FIGN: variants seen among roughly 807,000 people sequenced by gnomAD.
FIGN encodes fidgetin, microtubule severing factor.
In FIGN, 11 loss-of-function variants were observed where a neutral mutation model predicts 51.3. The ratio of observed to expected loss-of-function variants is 0.21; its 90% CI spans 0.13 to 0.35. The LOEUF is 0.35. Among genes scored for constraint, FIGN ranks in the 10% least tolerant of loss-of-function variants. The pLI is 1.00. For missense variants in FIGN, 857 were observed against 943.6 expected, an observed-to-expected ratio of 0.91 and a Z score of 1.20; for synonymous variants, 407 against 363.2, an observed-to-expected ratio of 1.12 and a Z score of -1.37.
chr2:163,610,819 T>C lies in FIGN; in HGVS notation c.1013A>G (p.Tyr338Cys), dbSNP rs1691232229. The C allele has an allele frequency of 6.7e-7, 1 of 1,501,524 alleles. No homozygotes were observed. The highest frequency in any genetic ancestry group is 1.8e-5 in the African/African-American group (1 of 55,240). The allele number at this position is 1,501,524 out of a possible 1,614,324, so 93.0% of individuals were successfully genotyped here. ...DMDSSYGNYS[Y>C]GQQRSTQSPM... is the part of the protein sequence containing the mutation. ...ACTCTGTGTAGATCTCTGTTGGCCA[T>C]AGCTGTAATTTCCATAACTGGAGTC... The change falls in exon 3 of 3, where the codon TAT (tyrosine) becomes TGT (cysteine). Residue 338 changes from tyrosine to cysteine, a missense_variant. Tyr to Cys is a radical substitution (Grantham distance 194). This residue lies in a region of FIGN where 799 missense variants were observed against 849.5 expected (regional missense o/e 0.94). Coordinates refer to ENST00000333129, the MANE Select transcript of FIGN (RefSeq NM_018086.4).
At chr2:163,672,179 C>T (rs1683887091) in intron 2 of FIGN, among the ~76,000 whole-genome samples, 1 of 151,636 alleles carries the variant, frequency 6.6e-6, no homozygotes, top group Non-Finnish European at 1.5e-5. Flanking sequence ...CATTTTTTCC[C>T]CTCATTCTTC....
At chr2:163,621,523 C>T (rs1049658873) in intron 2 of FIGN, among the ~76,000 whole-genome samples, 5 of 152,088 alleles carry the variant, frequency 3.3e-5, no homozygotes, top group African/African-American at 4.8e-5. Context: ...CCAAATAAGA[C>T]GTTGTAAGAA....
Position 163,693,075 on chromosome 2 carries a change from G to A in FIGN, c.25+41828C>T, listed in dbSNP as rs553661199. On this transcript the variant is annotated intron_variant, in intron 2 of 2. Coordinates refer to ENST00000333129, the MANE Select transcript of FIGN (RefSeq NM_018086.4). Reference sequence around the variant, plus strand: ...AACTGAAGGCAACTCCAGGCAGCAGGGCAGAGTGAACCAGAGCTATGTGAA... The same window carrying A: ...AACTGAAGGCAACTCCAGGCAGCAGAGCAGAGTGAACCAGAGCTATGTGAA... Among the ~76,000 whole-genome samples, 3 of 152,280 alleles carry A rather than the reference G, an allele frequency of 2.0e-5. No homozygotes were observed. In the South Asian group the frequency reaches 6.2e-4, roughly 32 times the overall value.
At position 163,717,874 on chromosome 2, in the gene FIGN, C is replaced by A. The variant is rs1243742636; in HGVS notation, c.25+17029G>T. On this transcript the variant is annotated intron_variant, in intron 2 of 2. Coordinates refer to ENST00000333129, the MANE Select transcript of FIGN (RefSeq NM_018086.4). ...ACGTTTCAACCATATCAAGCTGTAACCTTTCTTGAAATGTAAATGAATGGT... is the reference window on the plus strand; with the variant it reads ...ACGTTTCAACCATATCAAGCTGTAAACTTTCTTGAAATGTAAATGAATGGT... Among the ~76,000 whole-genome samples, 101 of 152,112 alleles carry A rather than the reference C, an allele frequency of 6.6e-4. 1 individual carries two copies. Among genetic ancestry groups the A allele is most frequent in the Non-Finnish European group, 2.9e-4 (20 of 68,034 alleles).
At chr2:163,714,308 C>A (rs1293334843) in intron 2 of FIGN, among the ~76,000 whole-genome samples, 2 of 152,148 alleles carry the variant, frequency 1.3e-5, no homozygotes, top group Admixed American at 6.5e-5. Flanking sequence ...CCAGACTGCA[C>A]AGAACTATTA....
At chr2:163,690,120 A>G (rs1270611487) in intron 2 of FIGN, among the ~76,000 whole-genome samples, 1 of 152,170 alleles carries the variant, frequency 6.6e-6, no homozygotes, top group East Asian at 1.9e-4. Context: ...AAGAACAGTT[A>G]CCAATGATTC....
At chr2:163,691,024 C>T (rs1383879831) in intron 2 of FIGN, among the ~76,000 whole-genome samples, 1 of 152,010 alleles carries the variant, frequency 6.6e-6, no homozygotes, top group Non-Finnish European at 1.5e-5. Context: ...AATTATCAAC[C>T]CAAATAGTCT....
Position 163,606,514 on chromosome 2 carries a change from TAGC to T in FIGN, c.*3035_*3037del, listed in dbSNP as rs1691115092. On this transcript the variant is annotated 3_prime_UTR_variant, in exon 3 of 3. Coordinates refer to ENST00000333129, the MANE Select transcript of FIGN (RefSeq NM_018086.4). The stretch of plus-strand genomic sequence containing the variant: ...TCATTAATAGCCTTCTCCAAATTCT[TAGC>T]AGTCAAAAAGAGGCCAAGGGTATGA... 6.6e-6 allele frequency: 1 copy of T among 152,228 alleles called. No homozygotes were observed. The highest frequency in any genetic ancestry group is 1.5e-5 in the Non-Finnish European group (1 of 68,058). The allele number at this position is 152,228 out of a possible 1,614,324, so 9.4% of individuals were successfully genotyped here.
At chr2:163,651,396 C>T (rs1349428152) in intron 2 of FIGN, among the ~76,000 whole-genome samples, 2 of 152,092 alleles carry the variant, frequency 1.3e-5, no homozygotes, top group African/African-American at 4.8e-5. Context: ...TGGGAGGTTG[C>T]AGTGAGCCGA....
intron 2 of FIGN, among the ~76,000 whole-genome samples, chr2:163,734,398 A>C (rs1252402964): frequency 6.6e-6 from 1 of 151,884 alleles, no homozygotes; most frequent in African/African-American, 2.4e-5. Flanking sequence ...AAGTGCAAAC[A>C]TCAAGAGCAG....
intron 2 of FIGN, among the ~76,000 whole-genome samples, chr2:163,718,836 AGAGT>A (rs751939994): frequency 1.3e-4 from 17 of 129,538 alleles, no homozygotes; most frequent in African/African-American, 4.9e-4. Flanking sequence ...TAAGACAGAG[AGAGT>A]GAGAGAGAGA....
chr2:163,675,463 G>A (rs905417406), intron 2 of FIGN, among the ~76,000 whole-genome samples: 7 of 152,176 alleles, frequency 4.6e-5, no homozygotes, highest in African/African-American at 1.7e-4. Flanking sequence ...TGTTAGAAAT[G>A]CAAATTCAGA....
intron 2 of FIGN, among the ~76,000 whole-genome samples, chr2:163,697,432 C>T (rs1158291868): frequency 6.6e-6 from 1 of 152,006 alleles, no homozygotes; most frequent in Non-Finnish European, 1.5e-5. Context: ...TGTCCATCTC[C>T]CCCAACCCGG....
rs1327147379 is a variant in FIGN, at chr2:163,610,696, G to A, written c.1136C>T (p.Thr379Met). The change falls in exon 3 of 3, where the codon ACG (threonine) becomes ATG (methionine). Residue 379 changes from threonine to methionine, a missense_variant. Coordinates refer to ENST00000333129, the MANE Select transcript of FIGN (RefSeq NM_018086.4). ...CTGTTCAGAGGACATTAGCTGCTTC[G>A]TTGGCTTAAATGCTAAGGATGATGT... ...AETSSLAFKP[T>M]KQLMSSEQQR... The A allele has an allele frequency of 9.3e-6, 15 of 1,614,070 alleles. No homozygotes were observed. The highest frequency in any genetic ancestry group is 2.2e-5 in the South Asian group (2 of 91,090).
intron 2 of FIGN, among the ~76,000 whole-genome samples, chr2:163,665,627 A>G (rs977629238): frequency 9.9e-5 from 15 of 152,232 alleles, no homozygotes; most frequent in Non-Finnish European, 1.8e-4. Context: ...GATGACAAAA[A>G]AATTGAAAAG....
chr2:163,611,871 C>T lies in FIGN; in HGVS notation c.26-65G>A, dbSNP rs902196651. ...AGGCATCAGAACTCTTAAAGCTTTT[C>T]CCCCAATTTCTTTTGTTACCTATTA... On this transcript the variant is annotated intron_variant, in intron 2 of 2. Transcript: ENST00000333129. The T allele has an allele frequency of 1.4e-5, 20 of 1,390,006 alleles. No individual in the cohort carries two copies. In the African/African-American group the frequency reaches 2.8e-4, roughly 19 times the overall value. The allele number at this position is 1,390,006 out of a possible 1,614,324, so 86.1% of individuals were successfully genotyped here.
intron 2 of FIGN, among the ~76,000 whole-genome samples, chr2:163,627,789 GC>G (rs1318249458): frequency 1.3e-5 from 2 of 151,988 alleles, no homozygotes; most frequent in African/African-American, 4.8e-5. Flanking sequence ...AAACAGACAA[GC>G]CAAAGTGAAA....
chr2:163,675,577 C>G (rs1683944966), intron 2 of FIGN, among the ~76,000 whole-genome samples: 1 of 152,162 alleles, frequency 6.6e-6, no homozygotes, highest in African/African-American at 2.4e-5. Context: ...TTGAGAATCG[C>G]TGACCCAGAC....
intron 2 of FIGN, among the ~76,000 whole-genome samples, chr2:163,733,424 G>A (rs1250546429): frequency 6.6e-6 from 1 of 152,062 alleles, no homozygotes; most frequent in East Asian, 1.9e-4. Context: ...TCCGAGCTCC[G>A]ATTTAAAATT....
Sources: gnomAD v4.1 joint callset for allele counts (sites outside exome capture counted in the v4.1 genomes callset) on GRCh38, gnomAD v4.1.1 for gene constraint, gnomAD v4.1.1 regional missense constraint, MANE v1.5 for transcripts, NCBI Gene and HGNC (gene_info 2026-07-23, HGNC 2026-07-21) for gene names.